Variants in ZNF142 observed in about 807,000 individuals in gnomAD.
The protein encoded by ZNF142 is zinc finger protein 142.
Under a neutral mutation model 132.1 loss-of-function variants are expected in ZNF142, and 96 were observed. That is an observed-to-expected ratio of 0.73 (90% CI 0.62 to 0.86). The LOEUF (loss-of-function observed/expected upper bound fraction) is 0.86, where lower values mean the gene tolerates loss of function less well. ZNF142 is among the 40% of genes least tolerant of loss of function. The pLI, the probability that ZNF142 is intolerant of heterozygous loss-of-function variation, is 0.00. For missense variants in ZNF142, 2,163 were observed against 2,336.2 expected (o/e 0.93, Z 1.53); for synonymous variants, 842 against 890.1 (o/e 0.95, Z 0.96).
In ZNF142 at chr2:218,651,863, T is replaced by A. The variant is rs1559302018; in HGVS notation, c.718A>T (p.Met240Leu). ...CPLLFGSQQG[M>L]ELHRQAHYPF... ...TAATGCGCCTGCCGGTGCAGCTCCA[T>A]GCCCTGCTGGCTCCCGAAAAGCAGG... Residue 240 changes from methionine to leucine, a missense_variant, in exon 5 of 11, where the codon ATG (methionine) becomes TTG (leucine). Physicochemically the swap from Met to Leu is conservative, Grantham distance 15. Coordinates refer to ENST00000411696, the MANE Select transcript of ZNF142 (RefSeq NM_001379659.1). 7.8e-7 allele frequency: 1 copy of A among 1,289,904 alleles called. No individual in the cohort carries two copies. Among genetic ancestry groups the A allele is most frequent in the South Asian group, 1.2e-5 (1 of 81,034 alleles). 79.9% of individuals were successfully genotyped at this position (1,289,904 alleles called of 1,614,324 possible). A position where few individuals can be genotyped will look rare whatever the true frequency, so the allele number is the denominator to read the frequency against.
Position 218,644,962 on chromosome 2 carries a change from G to A in ZNF142, c.2154C>T (p.Ala718=), listed in dbSNP as rs992893404. Residue 718 remains alanine (A), a synonymous_variant, in exon 9 of 11, where the codon GCC becomes GCT. Transcript: ENST00000411696. The surrounding 1 kb of genome is among the most constrained non-coding windows in gnomAD (Gnocchi z 4.6). The part of the protein sequence containing the change: ...QGKSLMCEVC[A]FACKRKYELQ... ...GCTCATACTTCCGCTTGCAGGCGAA[G>A]GCACACACCTCACACATCAGAGACT... 1.2e-5 allele frequency: 19 copies of A among 1,614,040 alleles called. No individual in the cohort carries two copies. The highest frequency in any genetic ancestry group is 1.5e-5 in the Non-Finnish European group (18 of 1,180,024).
chr2:218,658,541 CA>C (rs58087956), intron 3 of ZNF142, among the ~76,000 whole-genome samples, 159 bp downstream of exon 3: 3 of 144,906 alleles, frequency 2.1e-5, no homozygotes, highest in African/African-American at 2.5e-5. Flanking sequence ...AACTCCGTCT[CA>C]AAAAAAAAAC....
Position 218,636,021 on chromosome 2 carries a change from T to C in ZNF142, c.*2318A>G. 2 of 1,577,128 alleles carry C rather than the reference T, an allele frequency of 1.3e-6. No individual in the cohort carries two copies. Among genetic ancestry groups the C allele is most frequent in the East Asian group, 2.2e-5 (1 of 44,530 alleles). ...CTTCCATTAAGTATAGCATCTGTTA[T>C]TGCATGTCCCCACATGGGAGGCAGT... On this transcript the variant is annotated 3_prime_UTR_variant, in exon 11 of 11. Coordinates refer to ENST00000411696, the MANE Select transcript of ZNF142 (RefSeq NM_001379659.1).
Position 218,633,952 on chromosome 2 carries a change from G to A in ZNF142, c.*4387C>T. ...TCAAGGGTCTAGGGGCAGGAAAGCT[G>A]GTCTGGATGGACAGAGTAGAGAGGC... On this transcript the variant is annotated 3_prime_UTR_variant, in exon 11 of 11. Transcript: ENST00000411696. 1.6e-6 allele frequency: 2 copies of A among 1,229,712 alleles called. No individual in the cohort carries two copies. The highest frequency in any genetic ancestry group is 1.5e-5 in the South Asian group (1 of 68,726). 76.2% of individuals were successfully genotyped at this position (1,229,712 alleles called of 1,614,324 possible).
In ZNF142 at chr2:218,656,145, T is replaced by TGTACCTGGGGTCTCTCCAGGA; in HGVS notation, c.264_280+4dup. 1 of 1,551,988 alleles carries TGTACCTGGGGTCTCTCCAGGA rather than the reference T, an allele frequency of 6.4e-7. No homozygotes were observed. Among genetic ancestry groups the TGTACCTGGGGTCTCTCCAGGA allele is most frequent in the Non-Finnish European group, 8.7e-7 (1 of 1,144,218 alleles). ...CCACTGGCCTGCTTGCAACTGTGTT[T>TGTACCTGGGGTCTCTCCAGGA]GTACCTGGGGTCTCTCCAGGAGCAC... On this transcript the variant is annotated splice_donor_region_variant and intron_variant, in intron 4 of 10. Transcript: ENST00000411696.
At position 218,644,607 on chromosome 2, in the gene ZNF142, G is replaced by C; in HGVS notation, c.2509C>G (p.Pro837Ala). 6.2e-7 allele frequency: 1 copy of C among 1,614,218 alleles called. No homozygotes were observed. Among genetic ancestry groups the C allele is most frequent in the South Asian group, 1.1e-5 (1 of 91,090 alleles). The part of the protein sequence containing the change: ...SEPSNQLSAR[P>A]EGPGHEPGTV... ...CCAGGTTCGTGACCTGGCCCCTCAGGTCGGGCTGACAGCTGGTTTGAGGGC... is the reference window on the plus strand; with the variant it reads ...CCAGGTTCGTGACCTGGCCCCTCAGCTCGGGCTGACAGCTGGTTTGAGGGC... The change falls in exon 9 of 11, where the codon CCT becomes GCT. Residue 837 changes from proline (P) to alanine (A), a missense_variant. By Grantham distance (27) the Pro-to-Ala change is conservative. This residue lies in a region of ZNF142 where 749 missense variants were observed against 830.3 expected (regional missense o/e 0.90). Transcript: ENST00000411696. This position sits in a 1 kb window ranked among gnomAD's most constrained non-coding sequence, Gnocchi z 4.6.
At chr2:218,654,037 T>C (rs1352738238) in intron 4 of ZNF142, among the ~76,000 whole-genome samples, 1 of 152,082 alleles carries the variant, frequency 6.6e-6, no homozygotes, top group East Asian at 1.9e-4. Context: ...TTTGTAGAGA[T>C]GGGGTCTCCC....
chr2:218,642,235 G>A lies in ZNF142; in HGVS notation c.4881C>T (p.Pro1627=). The A allele has an allele frequency of 6.2e-7, 1 of 1,614,224 alleles. No homozygotes were observed. ...GATGGCGGCATGTGAAGTCACAAAA[G>A]GGGCAGTGTAGCGGGGGCTGGCCAG... ...GDAGQPPLHC[P]FCDFTCRHQL... Residue 1627 remains proline (P), a synonymous_variant, in exon 9 of 11, where the codon CCC becomes CCT. Coordinates refer to ENST00000411696, the MANE Select transcript of ZNF142 (RefSeq NM_001379659.1). The surrounding 1 kb of genome is among the most constrained non-coding windows in gnomAD (Gnocchi z 4.6).
At chr2:218,645,762 T>C (rs1037357955) in intron 8 of ZNF142, among the ~76,000 whole-genome samples, 3 of 152,180 alleles carry the variant, frequency 2.0e-5, no homozygotes, top group African/African-American at 7.2e-5. Flanking sequence ...ACTCTCTTTT[T>C]TCTTTCCTTT....
At chr2:218,646,447 G>A (rs1697739396) in intron 7 of ZNF142, 99 bp from the exon 8 acceptor site, 16 of 1,362,612 alleles carry the variant, frequency 1.2e-5, no homozygotes, top group Non-Finnish European at 1.6e-5. Context: ...ATGCCAGGGA[G>A]GAACAACAGC....
rs769313876 is a variant in ZNF142, at chr2:218,634,129, C to T, written c.*4210G>A. The T allele has an allele frequency of 1.2e-6, 2 of 1,612,036 alleles. No homozygotes were observed. Among genetic ancestry groups the T allele is most frequent in the South Asian group, 1.1e-5 (1 of 90,542 alleles). Reference sequence around the variant, plus strand: ...GGCAATGAGTTTGTGCAGCACAATACTTGGCAGTTAAGCCGTGTGTATCCC... The same window carrying T: ...GGCAATGAGTTTGTGCAGCACAATATTTGGCAGTTAAGCCGTGTGTATCCC... On this transcript the variant is annotated 3_prime_UTR_variant, in exon 11 of 11. Coordinates refer to ENST00000411696, the MANE Select transcript of ZNF142 (RefSeq NM_001379659.1). The surrounding 1 kb of genome is among the most constrained non-coding windows in gnomAD (Gnocchi z 4.0).
In ZNF142 at chr2:218,659,059, T is replaced by C. The variant is rs2106305367; in HGVS notation, c.-290A>G. 1 of 152,320 alleles carries C rather than the reference T, an allele frequency of 6.6e-6. No individual in the cohort carries two copies. Among genetic ancestry groups the C allele is most frequent in the Non-Finnish European group, 1.5e-5 (1 of 68,076 alleles). 9.4% of individuals were successfully genotyped at this position (152,320 alleles called of 1,614,324 possible). A position where few individuals can be genotyped will look rare whatever the true frequency, so the allele number is the denominator to read the frequency against. On this transcript the variant is annotated 5_prime_UTR_variant, in exon 2 of 11. Transcript: ENST00000411696. The surrounding 1 kb of genome is among the most constrained non-coding windows in gnomAD (Gnocchi z 4.4). The stretch of plus-strand genomic sequence containing the variant: ...ATCTGTAAAATGGAGGTGATGACAG[T>C]GTCCACATCGTCGGGCAGGAGCTGG...
In ZNF142 at chr2:218,638,556, G is replaced by C; in HGVS notation, c.5447C>G (p.Thr1816Ser). The C allele has an allele frequency of 6.2e-7, 1 of 1,611,628 alleles. No individual in the cohort carries two copies. Residue 1816 changes from threonine to serine, a missense_variant, in exon 11 of 11, where the codon ACC (threonine) becomes AGC (serine). Coordinates refer to ENST00000411696, the MANE Select transcript of ZNF142 (RefSeq NM_001379659.1). ...AGLRHHALTH[T>S]DRHPFFCRLC... ...GCGGCAAAAGAAGGGGTGGCGGTCG[G>C]TGTGGGTGAGGGCATGATGGCGCAG...
intron 4 of ZNF142, 149 bp downstream of exon 4, chr2:218,656,001 C>G: frequency 9.3e-7 from 1 of 1,072,818 alleles, no homozygotes; most frequent in Non-Finnish European, 1.3e-6. Flanking sequence ...AATCAACATG[C>G]ACCAACTGCA....
rs551099436 is a variant in ZNF142, at chr2:218,644,151, C to T, written c.2965G>A (p.Ala989Thr). Residue 989 changes from alanine to threonine, a missense_variant, in exon 9 of 11, where the codon GCT (alanine) becomes ACT (threonine). By Grantham distance (58) the Ala-to-Thr change is moderately conservative (BLOSUM62 0). This residue lies in a region of ZNF142 where 809 missense variants were observed against 801.7 expected (regional missense o/e 1.01). Coordinates refer to ENST00000411696, the MANE Select transcript of ZNF142 (RefSeq NM_001379659.1). The surrounding 1 kb of genome is among the most constrained non-coding windows in gnomAD (Gnocchi z 4.6). Reference sequence around the variant, plus strand: ...AATGGGGGCAAGGGTGCTGTCTCAGCAGGTGGAGTTGTCTTGAAGGTTCCT... The same window carrying T: ...AATGGGGGCAAGGGTGCTGTCTCAGTAGGTGGAGTTGTCTTGAAGGTTCCT... ...WVGTFKTTPP[A>T]ETAPLPPLPE... 4.6e-5 allele frequency: 74 copies of T among 1,614,118 alleles called. 1 individual carries two copies. In the South Asian group the frequency reaches 7.4e-4, roughly 16 times the overall value.
intron 8 of ZNF142, among the ~76,000 whole-genome samples, chr2:218,645,444 C>T (rs1291545762): frequency 6.6e-6 from 1 of 152,198 alleles, no homozygotes; most frequent in Non-Finnish European, 1.5e-5. Context: ...GTTTCTGTGC[C>T]TCATTTCCCT....
rs1260039239 is a variant in ZNF142 at position 218,642,335 on chromosome 2, C to A, written c.4781G>T (p.Gly1594Val). The A allele has an allele frequency of 1.2e-6, 2 of 1,613,542 alleles. No homozygotes were observed. The highest frequency in any genetic ancestry group is 1.7e-6 in the Non-Finnish European group (2 of 1,180,044). Residue 1594 changes from glycine to valine, a missense_variant, in exon 9 of 11, where the codon GGC becomes GTC. This residue lies in a region of ZNF142 where 17 missense variants were observed against 35.9 expected (regional missense o/e 0.47). Coordinates refer to ENST00000411696, the MANE Select transcript of ZNF142 (RefSeq NM_001379659.1). The surrounding 1 kb of genome is among the most constrained non-coding windows in gnomAD (Gnocchi z 4.6). ...LCDFAARERV[G>V]LVKHYLEQHE... The stretch of plus-strand genomic sequence containing the variant: ...CTGTTCCAGGTAGTGCTTTACCAGG[C>A]CCACCCGCTCCCGGGCAGCAAAGTC...
chr2:218,659,458 G>C lies in ZNF142; in HGVS notation c.-451C>G, dbSNP rs1939056100. 6.6e-6 allele frequency: 1 copy of C among 152,302 alleles called. No homozygotes were observed. Among genetic ancestry groups the C allele is most frequent in the African/African-American group, 2.4e-5 (1 of 41,466 alleles). 9.4% of individuals were successfully genotyped at this position (152,302 alleles called of 1,614,324 possible). A position where few individuals can be genotyped will look rare whatever the true frequency, so the allele number is the denominator to read the frequency against. On this transcript the variant is annotated 5_prime_UTR_variant, in exon 1 of 11. Transcript: ENST00000411696. The surrounding 1 kb of genome is among the most constrained non-coding windows in gnomAD (Gnocchi z 4.4). ...GGCCCGCTTTGTGCGACCGCCTCCG[G>C]CTCAGCCGCCTCTAGGATATTGGGG...
At position 218,635,696 on chromosome 2, in the gene ZNF142, T is replaced by G; in HGVS notation, c.*2643A>C. On this transcript the variant is annotated 3_prime_UTR_variant, in exon 11 of 11. Transcript: ENST00000411696. ...AAAATATATTACCCATGGAGGATGT[T>G]TTACAAACCAAAAAGCTTCTTCTCC... 1 of 1,458,042 alleles carries G rather than the reference T, an allele frequency of 6.9e-7. No homozygotes were observed. The highest frequency in any genetic ancestry group is 1.4e-5 in the South Asian group (1 of 71,212). 90.3% of individuals were successfully genotyped at this position (1,458,042 alleles called of 1,614,324 possible).
Sources: allele counts gnomAD v4.1 joint callset (sites outside exome capture counted in the v4.1 genomes callset), GRCh38; gene constraint gnomAD v4.1.1; regional missense constraint gnomAD v4.1.1; non-coding constraint Gnocchi (gnomAD v3.1); transcripts MANE v1.5; gene names NCBI Gene and HGNC (gene_info 2026-07-23, HGNC 2026-07-21).